Variants in SUCLG2 observed in about 807,000 individuals in gnomAD.
The protein encoded by SUCLG2 is succinate-CoA ligase GDP-forming subunit beta.
A neutral mutation model predicts 47.9 loss-of-function variants in SUCLG2; 42 were observed. The ratio of observed to expected loss-of-function variants is 0.88; its 90% CI spans 0.69 to 1.14. The LOEUF (loss-of-function observed/expected upper bound fraction) is 1.14, where lower values mean the gene tolerates loss of function less well. Ranked by LOEUF, SUCLG2 falls within the 50% of genes most tolerant of loss-of-function variation. The probability of loss-of-function intolerance (pLI) is 0.00; values close to 1 mark genes in which losing one functional copy is unlikely to be tolerated. For synonymous variants in SUCLG2, 195 were observed against 197.3 expected, an observed-to-expected ratio of 0.99 and a Z score of 0.10; for missense variants, 571 against 525.9, an observed-to-expected ratio of 1.09 and a Z score of -0.84.
At chr3:67,442,057 C>A (rs561755724) in intron 9 of SUCLG2, among the ~76,000 whole-genome samples, 2 of 146,780 alleles carry the variant, frequency 1.4e-5, no homozygotes, top group Non-Finnish European at 3.0e-5. Flanking sequence ...GTCGCCCAGG[C>A]TGGAGTGCAG....
chr3:67,511,175 A>G (rs1226153124), intron 6 of SUCLG2, among the ~76,000 whole-genome samples: 1 of 152,128 alleles, frequency 6.6e-6, no homozygotes, highest in Non-Finnish European at 1.5e-5. Flanking sequence ...GGCATGAGCC[A>G]CTGCGCCCGG....
chr3:67,584,311 G>A (rs1267788936), intron 2 of SUCLG2, among the ~76,000 whole-genome samples: 1 of 152,176 alleles, frequency 6.6e-6, no homozygotes, highest in Non-Finnish European at 1.5e-5. Flanking sequence ...ACCACATGCT[G>A]TAGCATTCCA....
intron 10 of SUCLG2, among the ~76,000 whole-genome samples, chr3:67,363,925 G>C (rs1009269365): frequency 3.9e-5 from 6 of 152,224 alleles, no homozygotes; most frequent in South Asian, 2.1e-4. Context: ...ACACAACACA[G>C]TGGTGAGTTC....
chr3:67,570,722 C>T (rs903430436), intron 2 of SUCLG2, among the ~76,000 whole-genome samples: 21 of 152,276 alleles, frequency 1.4e-4, no homozygotes, highest in African/African-American at 4.3e-4. Context: ...TACACATTAA[C>T]GACAGGAGGG....
intron 10 of SUCLG2, among the ~76,000 whole-genome samples, chr3:67,388,101 TGAATCTTCAGAA>T (rs1702299277): frequency 6.6e-6 from 1 of 152,206 alleles, no homozygotes; most frequent in African/African-American, 2.4e-5. Flanking sequence ...ACTGGTTTGC[TGAATCTTCAGAA>T]ATATTGATAA....
At chr3:67,480,894 A>T (rs931686641) in intron 9 of SUCLG2, among the ~76,000 whole-genome samples, 2 of 152,220 alleles carry the variant, frequency 1.3e-5, no homozygotes, top group African/African-American at 4.8e-5. Flanking sequence ...TCAAGGAAGT[A>T]TCCCCAAAGA....
chr3:67,570,338 C>G (rs1207089491), intron 2 of SUCLG2, among the ~76,000 whole-genome samples: 1 of 152,230 alleles, frequency 6.6e-6, no homozygotes, highest in East Asian at 1.9e-4. Flanking sequence ...ACGTACCACA[C>G]TACTTCATCT....
At chr3:67,373,289 C>T (rs974828631), downstream of SUCLG2, among the ~76,000 whole-genome samples, 4 of 150,546 alleles carry the variant, frequency 2.7e-5, no homozygotes, top group African/African-American at 9.8e-5. Flanking sequence ...AGAGAGAAAA[C>T]TGAGAGGAAG....
chr3:67,424,836 G>T (rs1703258227), intron 9 of SUCLG2, among the ~76,000 whole-genome samples: 1 of 151,994 alleles, frequency 6.6e-6, no homozygotes, highest in Non-Finnish European at 1.5e-5. Flanking sequence ...TCCAAGATTT[G>T]GCCCCATTTT....
At chr3:67,577,842 T>C (rs1353813027) in intron 2 of SUCLG2, among the ~76,000 whole-genome samples, 2 of 152,186 alleles carry the variant, frequency 1.3e-5, no homozygotes, top group African/African-American at 2.4e-5. Context: ...TCTCATTCAA[T>C]TTTACTGAAC....
intron 10 of SUCLG2, among the ~76,000 whole-genome samples, chr3:67,378,482 G>C (rs941269815): frequency 1.3e-5 from 2 of 152,190 alleles, no homozygotes; most frequent in African/African-American, 2.4e-5. Flanking sequence ...CTGAGGCTCT[G>C]GGTCTAATAG....
At chr3:67,395,007 G>C (rs1161923688) in intron 10 of SUCLG2, among the ~76,000 whole-genome samples, 2 of 152,000 alleles carry the variant, frequency 1.3e-5, no homozygotes, top group East Asian at 1.9e-4. Flanking sequence ...TGCCCTAAAA[G>C]ATCTCCTGAA....
rs1479784552 is a variant in SUCLG2 at position 67,605,722 on chromosome 3, TC to T, written c.226+3732del. Among the ~76,000 whole-genome samples the T allele has an allele frequency of 3.3e-5, 5 of 152,088 alleles. No individual in the cohort carries two copies. In the East Asian group the frequency reaches 7.7e-4, roughly 23 times the overall value. ...CACACAACCATGCATCATTCTCCAT[TC>T]CTTTATCCAGCTTGATTTTGTCAAT... On this transcript the variant is annotated intron_variant, in intron 2 of 10. Coordinates refer to ENST00000307227, the MANE Select transcript of SUCLG2 (RefSeq NM_003848.4).
intron 10 of SUCLG2, among the ~76,000 whole-genome samples, chr3:67,386,086 A>C (rs758537475): frequency 3.3e-5 from 5 of 151,996 alleles, no homozygotes; most frequent in Non-Finnish European, 5.9e-5. Flanking sequence ...AGTAACAGAC[A>C]CTTTATTTAT....
At chr3:67,508,250 T>C (rs1275667848) in intron 7 of SUCLG2, among the ~76,000 whole-genome samples, 1 of 152,084 alleles carries the variant, frequency 6.6e-6, no homozygotes, top group Non-Finnish European at 1.5e-5. Flanking sequence ...TATATACAGA[T>C]TTAGGCAAAC....
At chr3:67,599,720 A>C (rs1370821392) in intron 2 of SUCLG2, among the ~76,000 whole-genome samples, 5 of 43,408 alleles carry the variant, frequency 1.2e-4, no homozygotes, top group African/African-American at 5.0e-4. Context: ...GCCTGAAGAC[A>C]AAAAAAAAAA....
At chr3:67,561,151 T>G (rs1312377304) in intron 2 of SUCLG2, among the ~76,000 whole-genome samples, 1 of 151,428 alleles carries the variant, frequency 6.6e-6, no homozygotes, top group Non-Finnish European at 1.5e-5. Context: ...TAGTATTATA[T>G]TAGCTTTATC....
At chr3:67,615,671 G>A (rs1431666118) in intron 1 of SUCLG2, among the ~76,000 whole-genome samples, 1 of 145,802 alleles carries the variant, frequency 6.9e-6, no homozygotes, top group East Asian at 2.0e-4. Flanking sequence ...TGCTATTGTT[G>A]TTGAAGGTCA....
chr3:67,367,286 A>G (rs1701888766), intron 10 of SUCLG2, among the ~76,000 whole-genome samples: 1 of 152,162 alleles, frequency 6.6e-6, no homozygotes. Flanking sequence ...TTGCAGTTTA[A>G]TATTTATCCC....
Sources: gnomAD v4.1 joint callset for allele counts (sites outside exome capture counted in the v4.1 genomes callset) on GRCh38, gnomAD v4.1.1 for gene constraint, MANE v1.5 for transcripts, NCBI Gene and HGNC (gene_info 2026-07-23, HGNC 2026-07-21) for gene names.